The following PPARGC1A variants were observed in gnomAD, a reference collection of about 807,000 sequenced individuals.
PPARGC1A encodes peroxisome proliferator-activated receptor gamma coactivator 1-alpha.
Under a neutral mutation model 88.7 loss-of-function variants are expected in PPARGC1A, and 25 were observed. The ratio of observed to expected loss-of-function variants is 0.28; its 90% CI spans 0.21 to 0.39. The LOEUF (loss-of-function observed/expected upper bound fraction) is 0.39, where lower values mean the gene tolerates loss of function less well. Among genes scored for constraint, PPARGC1A ranks in the 10% least tolerant of loss-of-function variants. The pLI is 1.00. For synonymous variants in PPARGC1A, 363 were observed against 355.6 expected, an observed-to-expected ratio of 1.02 and a Z score of -0.24; for missense variants, 880 against 968.7, an observed-to-expected ratio of 0.91 and a Z score of 1.22.
At chr4:23,946,178 A>C in the PPARGC1A span, among the ~76,000 whole-genome samples, 1 of 152,164 alleles carries the variant, frequency 6.6e-6, no homozygotes. Context: ...TTTCCCCCAA[A>C]ACAGAGCACC....
chr4:24,255,003 T>G, the PPARGC1A span, among the ~76,000 whole-genome samples: 2 of 152,332 alleles, frequency 1.3e-5, no homozygotes, highest in South Asian at 2.1e-4. Context: ...CTCCAATTTT[T>G]AAGTATGATC....
chr4:24,177,459 C>T, the PPARGC1A span, among the ~76,000 whole-genome samples: 1 of 150,414 alleles, frequency 6.6e-6, no homozygotes, highest in African/African-American at 2.5e-5. Context: ...CACACTGGGG[C>T]CTGTTGTGGG....
At chr4:24,342,177 G>C in the PPARGC1A span, among the ~76,000 whole-genome samples, 1 of 152,100 alleles carries the variant, frequency 6.6e-6, no homozygotes, top group East Asian at 1.9e-4. Flanking sequence ...GAATAAACAG[G>C]CACTTGATAA....
the PPARGC1A span, among the ~76,000 whole-genome samples, chr4:24,288,776 A>G: frequency 1.3e-5 from 2 of 152,254 alleles, no homozygotes; most frequent in Admixed American, 1.3e-4. Flanking sequence ...AATAAACGGC[A>G]GTAGACATCA....
the PPARGC1A span, among the ~76,000 whole-genome samples, chr4:24,091,083 C>T: frequency 6.6e-6 from 1 of 152,212 alleles, no homozygotes; most frequent in Admixed American, 6.5e-5. Context: ...GCTACCATAA[C>T]ACCATAAAGT....
the PPARGC1A span, among the ~76,000 whole-genome samples, chr4:23,988,511 C>T: frequency 6.6e-6 from 1 of 151,948 alleles, no homozygotes; most frequent in Non-Finnish European, 1.5e-5. Context: ...TGGTGTGCAA[C>T]ATTGTTGGAA....
the PPARGC1A span, among the ~76,000 whole-genome samples, chr4:24,117,279 A>G: frequency 6.6e-6 from 1 of 152,106 alleles, no homozygotes; most frequent in African/African-American, 2.4e-5. Flanking sequence ...TTTTTCTTTG[A>G]TAAAACAGAG....
chr4:24,403,458 A>G, the PPARGC1A span, among the ~76,000 whole-genome samples: 12 of 152,354 alleles, frequency 7.9e-5, no homozygotes, highest in Non-Finnish European at 2.9e-5. Context: ...GGTGAGGAAC[A>G]GAATCCCCAG....
the PPARGC1A span, among the ~76,000 whole-genome samples, chr4:23,929,854 C>G: frequency 2.0e-5 from 3 of 152,172 alleles, no homozygotes; most frequent in Admixed American, 2.0e-4. Flanking sequence ...TTCATTGCGC[C>G]CTAGGCTAAG....
At chr4:23,958,909 T>C in the PPARGC1A span, among the ~76,000 whole-genome samples, 2 of 151,862 alleles carry the variant, frequency 1.3e-5, no homozygotes, top group Non-Finnish European at 2.9e-5. Context: ...GTATTATTTA[T>C]CCTTAAAGGG....
At chr4:24,191,535 T>C in the PPARGC1A span, among the ~76,000 whole-genome samples, 1 of 152,176 alleles carries the variant, frequency 6.6e-6, no homozygotes, top group Non-Finnish European at 1.5e-5. Context: ...CTTGGATGGA[T>C]TGCACACTTG....
chr4:24,084,537 C>T, the PPARGC1A span, among the ~76,000 whole-genome samples: 1 of 152,128 alleles, frequency 6.6e-6, no homozygotes, highest in Non-Finnish European at 1.5e-5. Context: ...ATTTCCTTGG[C>T]CTAAGTGTCA....
At chr4:24,366,221 T>C in the PPARGC1A span, among the ~76,000 whole-genome samples, 1 of 150,812 alleles carries the variant, frequency 6.6e-6, no homozygotes, top group Non-Finnish European at 1.5e-5. Context: ...CAAAATGTGC[T>C]TTTCACAAAT....
chr4:24,444,126 G>C, the PPARGC1A span, among the ~76,000 whole-genome samples: 2 of 151,624 alleles, frequency 1.3e-5, no homozygotes, highest in South Asian at 2.1e-4. Context: ...CGCCTCCCAG[G>C]GTTCAAGCGA....
At chr4:23,929,018 A>C in the PPARGC1A span, among the ~76,000 whole-genome samples, 1 of 152,140 alleles carries the variant, frequency 6.6e-6, no homozygotes. Flanking sequence ...AAAATTGCTA[A>C]TGCATGCTGG....
the PPARGC1A span, among the ~76,000 whole-genome samples, chr4:23,927,248 G>A: frequency 2.0e-5 from 3 of 152,178 alleles, no homozygotes; most frequent in Admixed American, 6.5e-5. Context: ...TGTACTTGAA[G>A]TATGGTTTCT....
At chr4:24,082,028 A>G in the PPARGC1A span, among the ~76,000 whole-genome samples, 1 of 152,154 alleles carries the variant, frequency 6.6e-6, no homozygotes. Context: ...GTGTAAGGAA[A>G]GATCCAACGG....
chr4:23,861,294 C>G (rs1432004677), intron 2 of PPARGC1A, among the ~76,000 whole-genome samples: 2 of 152,202 alleles, frequency 1.3e-5, no homozygotes, highest in African/African-American at 4.8e-5. Flanking sequence ...ACTGACGTAT[C>G]TGAAGATTTT....
the PPARGC1A span, among the ~76,000 whole-genome samples, chr4:24,440,562 G>A: frequency 6.6e-6 from 1 of 152,286 alleles, no homozygotes; most frequent in Admixed American, 6.5e-5. Flanking sequence ...AGCACTTTGG[G>A]AGGCCGGGAT....
Sources: gnomAD v4.1 joint callset for allele counts (sites outside exome capture counted in the v4.1 genomes callset) on GRCh38, gnomAD v4.1.1 for gene constraint, MANE v1.5 for transcripts, NCBI Gene and HGNC (gene_info 2026-07-23, HGNC 2026-07-21) for gene names.